The following MIP variants were observed in gnomAD, a reference collection of about 807,000 sequenced individuals.
MIP encodes major intrinsic protein of lens fiber.
A neutral mutation model predicts 21.8 loss-of-function variants in MIP; 14 were observed. The ratio of observed to expected loss-of-function variants is 0.64; its 90% confidence interval spans 0.42 to 1.00. The LOEUF (loss-of-function observed/expected upper bound fraction) is 1.00, where lower values mean the gene tolerates loss of function less well. Ranked by LOEUF, MIP falls within the 50% of genes least tolerant of loss-of-function variation. MIP has a pLI of 0.00. For synonymous variants in MIP, 133 were observed against 141.4 expected (o/e 0.94, Z 0.42); for missense variants, 260 against 333.5 (o/e 0.78, Z 1.72).
chr12:56,452,191 C>T (rs1212559884), intron 3 of MIP, among the ~76,000 whole-genome samples: 1 of 152,168 alleles, frequency 6.6e-6, no homozygotes, highest in Non-Finnish European at 1.5e-5. Context: ...TATTCCACCC[C>T]ACCCCCATCA....
upstream of MIP, among the ~76,000 whole-genome samples, chr12:56,454,926 C>A (rs1332179768): frequency 6.6e-6 from 1 of 152,148 alleles, no homozygotes; most frequent in Non-Finnish European, 1.5e-5. Context: ...AGAGTCTGCC[C>A]TTCTGTGTGT....
Position 56,451,129 on chromosome 12 carries a change from A to C in MIP, c.*151T>G. On this transcript the variant is annotated 3_prime_UTR_variant, in exon 4 of 4. Transcript: ENST00000652304. Reference sequence around the variant, plus strand: ...AACTTGAAAGATTTCACACAGCAAAAGGAAAAAAAAAAAAAAAACAACCAC... The same window carrying C: ...AACTTGAAAGATTTCACACAGCAAACGGAAAAAAAAAAAAAAAACAACCAC... 1.5e-6 allele frequency: 1 copy of C among 645,286 alleles called. No individual in the cohort carries two copies. Among genetic ancestry groups the C allele is most frequent in the East Asian group, 2.8e-5 (1 of 35,400 alleles). The allele number at this position is 645,286 out of a possible 1,614,324, so 40.0% of individuals were successfully genotyped here.
Position 56,451,182 on chromosome 12 carries a change from C to T in MIP, c.*98G>A. On this transcript the variant is annotated 3_prime_UTR_variant, in exon 4 of 4. Transcript: ENST00000652304. The stretch of plus-strand genomic sequence containing the variant: ...ACATAAGTTAAAAAATAAAGAAGTA[C>T]ATGACCCTCCCCACAGTCTCTTTCT... 1 of 969,508 alleles carries T rather than the reference C, an allele frequency of 1.0e-6. No individual in the cohort carries two copies. Among genetic ancestry groups the T allele is most frequent in the Non-Finnish European group, 1.6e-6 (1 of 619,854 alleles). 60.1% of individuals were successfully genotyped at this position (969,508 alleles called of 1,614,324 possible).
Position 56,453,658 on chromosome 12 carries a change from C to A in MIP, c.458G>T (p.Arg153Leu). ...GGCCACGGAGCCCAGTTGGCCATTCCGCCTCTCGTCGTATGTGGCAAAGAT... is the reference window on the plus strand; with the variant it reads ...GGCCACGGAGCCCAGTTGGCCATTCAGCCTCTCGTCGTATGTGGCAAAGAT... ...LCIFATYDER[R>L]NGQLGSVALA... Residue 153 changes from arginine to leucine, a missense_variant, in exon 2 of 4, where the codon CGG becomes CTG. Physicochemically the swap from Arg to Leu is moderately radical, Grantham distance 102. Coordinates refer to ENST00000652304, the MANE Select transcript of MIP (RefSeq NM_012064.4). 1 of 1,614,214 alleles carries A rather than the reference C, an allele frequency of 6.2e-7. No homozygotes were observed. The highest frequency in any genetic ancestry group is 8.5e-7 in the Non-Finnish European group (1 of 1,180,046).
At chr12:56,452,786 C>T in intron 3 of MIP, 1 of 467,766 alleles carries the variant, frequency 2.1e-6, no homozygotes, top group South Asian at 2.1e-5. Flanking sequence ...TTATTCTGCT[C>T]ATATTTAGTT....
chr12:56,454,755 C>A (rs1251023498), upstream of MIP: 13 of 960,902 alleles, frequency 1.4e-5, no homozygotes, highest in African/African-American at 3.3e-5. Context: ...CCCTTCACAG[C>A]TGTGGAGGGC....
chr12:56,453,335 G>T (rs1868680015), intron 2 of MIP, among the ~76,000 whole-genome samples, 183 bp from the exon 3 acceptor site: 1 of 152,156 alleles, frequency 6.6e-6, no homozygotes, highest in Non-Finnish European at 1.5e-5. Context: ...GCCCTGTCTG[G>T]GAACAGACTA....
In MIP at chr12:56,454,401, G is replaced by A. The variant is rs1160293933; in HGVS notation, c.213C>T (p.Val71=). ...GGGAGCCCACAAGGAAAGCAAAAGTGACTGCAGGATTGACGTGGGCTCCAC... is the reference window on the plus strand; with the variant it reads ...GGGAGCCCACAAGGAAAGCAAAAGTAACTGCAGGATTGACGTGGGCTCCAC... ...HISGAHVNPA[V]TFAFLVGSQM... Residue 71 remains valine (V), a synonymous_variant, in exon 1 of 4, where the codon GTC becomes GTT. Transcript: ENST00000652304. 6.2e-7 allele frequency: 1 copy of A among 1,614,012 alleles called. No homozygotes were observed. The highest frequency in any genetic ancestry group is 1.3e-5 in the African/African-American group (1 of 74,942).
upstream of MIP, among the ~76,000 whole-genome samples, chr12:56,456,281 C>G (rs1250282216): frequency 6.6e-6 from 1 of 152,148 alleles, no homozygotes; most frequent in Non-Finnish European, 1.5e-5. Context: ...GGTAGCACAT[C>G]ATGGTGTTAA....
chr12:56,452,936 T>A (rs1442695878), intron 3 of MIP, 136 bp downstream of exon 3: 1 of 741,684 alleles, frequency 1.3e-6, no homozygotes, highest in African/African-American at 1.7e-5. Context: ...CATGCCAAAC[T>A]CTCTGACAGC....
upstream of MIP, among the ~76,000 whole-genome samples, chr12:56,455,184 G>T (rs1868755744): frequency 1.3e-5 from 2 of 152,122 alleles, no homozygotes; most frequent in South Asian, 4.2e-4. Context: ...TCTCCCATTG[G>T]CTAGTTTGGG....
chr12:56,455,940 C>T (rs1216652231), upstream of MIP, among the ~76,000 whole-genome samples: 1 of 152,054 alleles, frequency 6.6e-6, no homozygotes, highest in African/African-American at 2.4e-5. Context: ...CTCATAATAC[C>T]CAGCTTGGGG....
In MIP at chr12:56,451,100, A is replaced by T; in HGVS notation, c.*180T>A. The T allele has an allele frequency of 1.6e-6, 1 of 611,858 alleles. No individual in the cohort carries two copies. Among genetic ancestry groups the T allele is most frequent in the South Asian group, 2.0e-5 (1 of 48,986 alleles). The allele number at this position is 611,858 out of a possible 1,614,324, so 37.9% of individuals were successfully genotyped here. A position where few individuals can be genotyped will look rare whatever the true frequency, so the allele number is the denominator to read the frequency against. On this transcript the variant is annotated 3_prime_UTR_variant, in exon 4 of 4. Transcript: ENST00000652304. ...GAAGTTTGCACCAACCAGCTCATGAATGCAACTTGAAAGATTTCACACAGC... is the reference window on the plus strand; with the variant it reads ...GAAGTTTGCACCAACCAGCTCATGATTGCAACTTGAAAGATTTCACACAGC...
intron 1 of MIP, 46 bp from the exon 2 acceptor site, chr12:56,453,801 A>G: frequency 6.3e-7 from 1 of 1,587,356 alleles, no homozygotes; most frequent in Non-Finnish European, 8.6e-7. Flanking sequence ...GGGCTGCCAC[A>G]GTGTTACCTC....
chr12:56,456,280 T>G (rs1207166546), upstream of MIP, among the ~76,000 whole-genome samples: 2 of 152,080 alleles, frequency 1.3e-5, no homozygotes, highest in Non-Finnish European at 2.9e-5. Context: ...GGGTAGCACA[T>G]CATGGTGTTA....
rs150904207 is a variant in MIP at position 56,451,799 on chromosome 12, G to A, written c.607-334C>T. 2.6e-4 allele frequency among the ~76,000 whole-genome samples: 39 copies of A among 152,180 alleles called. 2 individuals carry two copies. The East Asian group carries it at 6.4e-3, about 25-fold the overall frequency. On this transcript the variant is annotated intron_variant, in intron 3 of 3. Coordinates refer to ENST00000652304, the MANE Select transcript of MIP (RefSeq NM_012064.4). ...TCCCAGCACTTTGGGAGGCTGAGAC[G>A]GGCGGATCACAAGACGGGCGGATCA...
chr12:56,453,463 C>A, intron 2 of MIP, 128 bp downstream of exon 2: 1 of 1,049,372 alleles, frequency 9.5e-7, no homozygotes. Flanking sequence ...TTCCTTTGTG[C>A]CAGTAGAGAG....
chr12:56,456,187 C>G (rs572577590), upstream of MIP, among the ~76,000 whole-genome samples: 1 of 152,192 alleles, frequency 6.6e-6, no homozygotes, highest in Non-Finnish European at 1.5e-5. Flanking sequence ...GCTCCCAGAT[C>G]CCAGTCACCA....
chr12:56,451,089 C>G lies in MIP; in HGVS notation c.*191G>C. The stretch of plus-strand genomic sequence containing the variant: ...GGGGAGGAAGGGAAGTTTGCACCAA[C>G]CAGCTCATGAATGCAACTTGAAAGA... On this transcript the variant is annotated 3_prime_UTR_variant, in exon 4 of 4. Transcript: ENST00000652304. The G allele has an allele frequency of 1.7e-6, 1 of 593,866 alleles. No individual in the cohort carries two copies. Among genetic ancestry groups the G allele is most frequent in the East Asian group, 2.8e-5 (1 of 35,134 alleles). The allele number at this position is 593,866 out of a possible 1,614,324, so 36.8% of individuals were successfully genotyped here.
Sources: allele counts gnomAD v4.1 joint callset (sites outside exome capture counted in the v4.1 genomes callset), GRCh38; gene constraint gnomAD v4.1.1; transcripts MANE v1.5; gene names NCBI Gene and HGNC (gene_info 2026-07-23, HGNC 2026-07-21).